The following C2orf74 variants were observed in gnomAD, a reference collection of about 807,000 sequenced individuals.
C2orf74 encodes uncharacterized protein C2orf74.
Under a neutral mutation model 17.9 loss-of-function variants are expected in C2orf74, and 14 were observed. The observed-to-expected ratio is 0.78, with a 90% confidence interval of 0.52 to 1.22. The LOEUF is 1.22. Among genes scored for constraint, C2orf74 ranks in the 50% most tolerant of loss-of-function variants. The pLI, the probability that C2orf74 is intolerant of heterozygous loss-of-function variation, is 0.00. For synonymous variants in C2orf74, 79 were observed against 72.6 expected, an observed-to-expected ratio of 1.09 and a Z score of -0.44; for missense variants, 217 against 218.4, an observed-to-expected ratio of 0.99 and a Z score of 0.04.
chr2:61,162,977 G>A (rs1339169454), intron 3 of C2orf74, 22 bp downstream of exon 3: 1 of 1,551,822 alleles, frequency 6.4e-7, no homozygotes, highest in East Asian at 2.4e-5. Context: ...GCAGGATGTG[G>A]CAGAGGCCAT....
At chr2:61,145,313 G>GTAA (rs1468963338) in intron 1 of C2orf74, 4 of 152,276 alleles carry the variant, frequency 2.6e-5, no homozygotes, top group African/African-American at 9.7e-5. Context: ...AGGCAGCAGT[G>GTAA]CATTAGACAA....
intron 1 of C2orf74, among the ~76,000 whole-genome samples, chr2:61,147,647 CCTT>C (rs1217599677): frequency 6.6e-6 from 1 of 152,166 alleles, no homozygotes; most frequent in African/African-American, 2.4e-5. Flanking sequence ...TTGAGAAGTA[CCTT>C]TTTTCTATTT....
chr2:61,148,461 ACAGG>A, intron 1 of C2orf74, among the ~76,000 whole-genome samples: 1 of 152,260 alleles, frequency 6.6e-6, no homozygotes, highest in East Asian at 1.9e-4. Context: ...TGCTGGGATA[ACAGG>A]CATCAGCCAT....
chr2:61,147,520 C>T (rs1573701909), intron 1 of C2orf74, among the ~76,000 whole-genome samples: 1 of 152,088 alleles, frequency 6.6e-6, no homozygotes, highest in East Asian at 1.9e-4. Context: ...TGACAGACTA[C>T]TTTTTTTTGT....
chr2:61,158,554 GACA>G (rs1248471315), upstream of C2orf74, among the ~76,000 whole-genome samples: 1 of 152,232 alleles, frequency 6.6e-6, no homozygotes, highest in Non-Finnish European at 1.5e-5. Context: ...CAATCACTGA[GACA>G]ACGAGTATTG....
rs1685667581 is a variant in C2orf74 at position 61,164,456 on chromosome 2, ATTG to A, written c.498_500del (p.Val167del). 2 of 1,551,076 alleles carry A rather than the reference ATTG, an allele frequency of 1.3e-6. No individual in the cohort carries two copies. The highest frequency in any genetic ancestry group is 8.7e-7 in the Non-Finnish European group (1 of 1,146,818). ...AGGAGTGACATTTTCTAGGGAGGTA[ATTG>A]TTGTGGATCTTGGGAATGAATACCC... On this transcript the variant is annotated inframe_deletion, in exon 5 of 5. Coordinates refer to ENST00000432605, the MANE Select transcript of C2orf74 (RefSeq NM_001143959.4).
At chr2:61,145,550 A>C (rs1425571598) in intron 1 of C2orf74, among the ~76,000 whole-genome samples, 1 of 151,984 alleles carries the variant, frequency 6.6e-6, no homozygotes, top group Non-Finnish European at 1.5e-5. Flanking sequence ...CAGCCTCCCG[A>C]GTAGCTGGAA....
At chr2:61,156,703 G>T (rs1276421400) in intron 1 of C2orf74, among the ~76,000 whole-genome samples, 1 of 152,092 alleles carries the variant, frequency 6.6e-6, no homozygotes, top group Non-Finnish European at 1.5e-5. Flanking sequence ...GGGCAACATG[G>T]TGAGACCTCG....
upstream of C2orf74, chr2:61,159,304 T>C: frequency 2.5e-6 from 1 of 406,640 alleles, no homozygotes; most frequent in Non-Finnish European, 4.8e-6. Context: ...CCTTTTTTTT[T>C]TTCTTTTTTC....
chr2:61,154,646 G>C (rs988273664), intron 1 of C2orf74, among the ~76,000 whole-genome samples: 7 of 152,256 alleles, frequency 4.6e-5, no homozygotes, highest in Non-Finnish European at 8.8e-5. Context: ...CTAAAAAATT[G>C]TTTTAAGTCT....
intron 4 of C2orf74, among the ~76,000 whole-genome samples, chr2:61,163,607 A>AAATAAT (rs967417345): frequency 6.6e-6 from 1 of 151,310 alleles, no homozygotes; most frequent in Non-Finnish European, 1.5e-5. Context: ...TCTCAAAAAA[A>AAATAAT]AATAATAATA....
upstream of C2orf74, among the ~76,000 whole-genome samples, chr2:61,157,498 T>C (rs374969720): frequency 1.3e-5 from 2 of 152,154 alleles, no homozygotes; most frequent in African/African-American, 4.8e-5. Flanking sequence ...TGAACCCCAA[T>C]TAAACCAGCT....
Position 61,164,535 on chromosome 2 carries a change from A to G in C2orf74, c.*8A>G, listed in dbSNP as rs780746146. ...CATAAAGAGAGGAAATGAAGCTCAAAAAAGGGTAAGAGTGAAAGAAAATGT... is the reference window on the plus strand; with the variant it reads ...CATAAAGAGAGGAAATGAAGCTCAAGAAAGGGTAAGAGTGAAAGAAAATGT... On this transcript the variant is annotated 3_prime_UTR_variant, in exon 5 of 5. Coordinates refer to ENST00000432605, the MANE Select transcript of C2orf74 (RefSeq NM_001143959.4). The G allele has an allele frequency of 1.1e-5, 16 of 1,509,614 alleles. No homozygotes were observed. The South Asian group carries it at 1.8e-4, about 17-fold the overall frequency. The allele number at this position is 1,509,614 out of a possible 1,614,324, so 93.5% of individuals were successfully genotyped here.
chr2:61,151,072 C>T (rs1426444810), intron 1 of C2orf74, among the ~76,000 whole-genome samples: 2 of 152,034 alleles, frequency 1.3e-5, no homozygotes, highest in African/African-American at 4.8e-5. Context: ...AATCCCAGCA[C>T]TTTGGGAGGC....
intron 4 of C2orf74, among the ~76,000 whole-genome samples, chr2:61,163,568 C>G (rs866845255): frequency 6.6e-6 from 1 of 151,544 alleles, no homozygotes. Flanking sequence ...CGCCACTGCA[C>G]TCCAGCCTGG....
chr2:61,153,374 G>A (rs1685296617), intron 1 of C2orf74, among the ~76,000 whole-genome samples: 1 of 151,200 alleles, frequency 6.6e-6, no homozygotes, highest in Non-Finnish European at 1.5e-5. Flanking sequence ...TCCTCCTCCT[G>A]GGTTCATGCC....
At chr2:61,159,872 G>A (rs1685510274), upstream of C2orf74, among the ~76,000 whole-genome samples, 1 of 152,128 alleles carries the variant, frequency 6.6e-6, no homozygotes, top group Admixed American at 6.6e-5. Flanking sequence ...GCAGTTCAGT[G>A]GTATTAAGTA....
At chr2:61,161,546 T>C (rs574386753), upstream of C2orf74, among the ~76,000 whole-genome samples, 38 of 152,246 alleles carry the variant, frequency 2.5e-4, no homozygotes, top group Non-Finnish European at 3.2e-4. Context: ...TTGGTTTTTG[T>C]GTACTAAACT....
chr2:61,153,755 GGTGCACACCTGT>G (rs1303400674), intron 1 of C2orf74, among the ~76,000 whole-genome samples: 2 of 151,264 alleles, frequency 1.3e-5, no homozygotes, highest in Non-Finnish European at 2.9e-5. Flanking sequence ...TGGGCATGGT[GGTGCACACCTGT>G]AATCCCAGCT....
Sources: gnomAD v4.1 joint callset for allele counts (sites outside exome capture counted in the v4.1 genomes callset) on GRCh38, gnomAD v4.1.1 for gene constraint, MANE v1.5 for transcripts, NCBI Gene and HGNC (gene_info 2026-07-23, HGNC 2026-07-21) for gene names.